ABCC12: variants seen among roughly 807,000 people sequenced by gnomAD.
ABCC12 encodes the protein ATP-binding cassette sub-family C member 12.
A neutral mutation model predicts 151.1 loss-of-function variants in ABCC12; 142 were observed. That is an observed-to-expected ratio of 0.94 (90% confidence interval 0.82 to 1.08). ABCC12 has a LOEUF of 1.08. Among genes scored for constraint, ABCC12 ranks in the 50% least tolerant of loss-of-function variants. ABCC12 has a pLI of 0.00. For synonymous variants in ABCC12, 645 were observed against 646.4 expected (o/e 1.00, Z 0.03); for missense variants, 1,638 against 1,691.1 (o/e 0.97, Z 0.55).
At chr16:48,150,862 A>T (rs1208075542) in intron 2 of ABCC12, among the ~76,000 whole-genome samples, 1 of 152,188 alleles carries the variant, frequency 6.6e-6, no homozygotes, top group Non-Finnish European at 1.5e-5. Flanking sequence ...TGACTCTCCA[A>T]CTTGAATCCA....
intron 11 of ABCC12, among the ~76,000 whole-genome samples, chr16:48,128,080 C>T (rs2150649694): frequency 6.6e-6 from 1 of 152,242 alleles, no homozygotes; most frequent in South Asian, 2.1e-4. Context: ...GATTGCACCA[C>T]TGCACTCCAG....
chr16:48,100,529 A>G (rs901190897), intron 23 of ABCC12, among the ~76,000 whole-genome samples: 13 of 152,204 alleles, frequency 8.5e-5, no homozygotes, highest in Non-Finnish European at 1.6e-4. Flanking sequence ...AAACATGAAA[A>G]AATTAATAGG....
intron 1 of ABCC12, among the ~76,000 whole-genome samples, chr16:48,154,937 C>A (rs1391645952): frequency 6.6e-6 from 1 of 152,244 alleles, no homozygotes; most frequent in Non-Finnish European, 1.5e-5. Flanking sequence ...GATGGTCTCC[C>A]CCAACTCCCA....
At chr16:48,144,300 A>C (rs74018262) in intron 3 of ABCC12, among the ~76,000 whole-genome samples, 4,900 of 152,350 alleles carry the variant, frequency 0.032, 251 homozygotes, top group African/African-American at 0.11. Flanking sequence ...TCAATATTCA[A>C]AATTAAATTA....
intron 27 of ABCC12, 68 bp from the exon 28 acceptor site, chr16:48,086,887 G>A (rs781350488): frequency 2.2e-6 from 3 of 1,342,248 alleles, no homozygotes; most frequent in African/African-American, 1.5e-5. Flanking sequence ...TGCGGAGCAG[G>A]TTTTCTGTAG....
At position 48,105,209 on chromosome 16, in the gene ABCC12, G is replaced by A. The variant is rs903326606; in HGVS notation, c.2603C>T (p.Thr868Ile). 1.9e-6 allele frequency: 3 copies of A among 1,614,038 alleles called. No homozygotes were observed. The African/African-American group carries it at 4.0e-5, about 22-fold the overall frequency. ...GGTCTTGGTGAAGACGAAGCCTTTGGTGACGCCAAACACCAGCATGAACAC... is the reference window on the plus strand; with the variant it reads ...GGTCTTGGTGAAGACGAAGCCTTTGATGACGCCAAACACCAGCATGAACAC... ...SMVFMLVFGV[T>I]KGFVFTKTTL... is the part of the protein sequence containing the mutation. Residue 868 changes from threonine to isoleucine, a missense_variant, in exon 21 of 31, where the codon ACC becomes ATC. Transcript: ENST00000311303.
In ABCC12 at chr16:48,101,022, T is replaced by C; in HGVS notation, c.2901-13A>G. On this transcript the variant is annotated splice_polypyrimidine_tract_variant and intron_variant, in intron 22 of 30. Transcript: ENST00000311303. The stretch of plus-strand genomic sequence containing the variant: ...TCTGTGGAAAATGCTGGAAGAAAAT[T>C]GAAAGGGGCCAGGTGGGCCACAAAG... 1 of 1,613,302 alleles carries C rather than the reference T, an allele frequency of 6.2e-7. No individual in the cohort carries two copies. The highest frequency in any genetic ancestry group is 8.5e-7 in the Non-Finnish European group (1 of 1,179,598).
chr16:48,151,658 A>G (rs1965119129), intron 2 of ABCC12, among the ~76,000 whole-genome samples: 4 of 152,340 alleles, frequency 2.6e-5, no homozygotes, highest in Admixed American at 2.6e-4. Context: ...CCATTCTTAA[A>G]AAATAAAGTT....
Position 48,146,345 on chromosome 16 carries a change from G to A in ABCC12, c.80C>T (p.Pro27Leu). ...RRRSFAERYD[P>L]SLKTMIPVRP... The stretch of plus-strand genomic sequence containing the variant: ...CACTGGGATCATGGTCTTCAGGCTG[G>A]GGTCATATCTTTCTGCAAAGGATCT... Residue 27 changes from proline to leucine, a missense_variant, in exon 3 of 31, where the codon CCC (proline) becomes CTC (leucine). By Grantham distance (98) the Pro-to-Leu change is moderately conservative (BLOSUM62 -3). Coordinates refer to ENST00000311303, the MANE Select transcript of ABCC12 (RefSeq NM_001393797.1). The A allele has an allele frequency of 6.2e-7, 1 of 1,614,132 alleles. No individual in the cohort carries two copies. Among genetic ancestry groups the A allele is most frequent in the Non-Finnish European group, 8.5e-7 (1 of 1,180,008 alleles).
chr16:48,099,390 C>T (rs1473702779), intron 23 of ABCC12, among the ~76,000 whole-genome samples: 2 of 152,144 alleles, frequency 1.3e-5, no homozygotes, highest in South Asian at 4.1e-4. Context: ...GAGCAAGACT[C>T]TGTCTCAAAA....
chr16:48,092,283 G>A (rs1475833261), intron 24 of ABCC12, among the ~76,000 whole-genome samples: 2 of 152,204 alleles, frequency 1.3e-5, no homozygotes, highest in Middle Eastern at 3.2e-3. Flanking sequence ...GAGTGAGCAG[G>A]GGAAGAGAGG....
chr16:48,089,141 G>A (rs973621517), intron 25 of ABCC12, among the ~76,000 whole-genome samples: 4 of 152,200 alleles, frequency 2.6e-5, no homozygotes, highest in Non-Finnish European at 4.4e-5. Flanking sequence ...AGGCCCTGGG[G>A]CCAGAATGAG....
chr16:48,133,283 A>C (rs762075159), intron 9 of ABCC12, among the ~76,000 whole-genome samples: 8 of 152,126 alleles, frequency 5.3e-5, no homozygotes, highest in Non-Finnish European at 5.9e-5. Flanking sequence ...GCACTTTAGA[A>C]GGCCAAGATA....
chr16:48,114,521 G>C (rs941523557), intron 15 of ABCC12, among the ~76,000 whole-genome samples: 2 of 152,124 alleles, frequency 1.3e-5, no homozygotes, highest in African/African-American at 4.8e-5. Context: ...TAAAGAAGAC[G>C]GGACACTTGC....
intron 10 of ABCC12, 120 bp from the exon 11 acceptor site, chr16:48,128,857 A>C: frequency 2.7e-6 from 3 of 1,127,212 alleles, no homozygotes; most frequent in Non-Finnish European, 3.8e-6. Flanking sequence ...CACATCCAGG[A>C]AAGAGGTTCT....
chr16:48,140,987 G>C, intron 5 of ABCC12, 67 bp from the exon 6 acceptor site: 1 of 1,484,618 alleles, frequency 6.7e-7, no homozygotes, highest in African/African-American at 1.4e-5. Context: ...GGAGGCCTCA[G>C]ATCATGCCAG....
intron 16 of ABCC12, 25 bp from the exon 17 acceptor site, chr16:48,111,687 T>C: frequency 6.2e-7 from 1 of 1,614,106 alleles, no homozygotes; most frequent in Non-Finnish European, 8.5e-7. Flanking sequence ...AAATTCCTTC[T>C]GAATGCTAAG....
At chr16:48,120,580 G>A (rs1371496113) in intron 13 of ABCC12, among the ~76,000 whole-genome samples, 3 of 150,358 alleles carry the variant, frequency 2.0e-5, no homozygotes, top group African/African-American at 7.4e-5. Context: ...TTTTGAGAAG[G>A]AGTCTCGCTC....
Position 48,108,630 on chromosome 16 carries a change from G to A in ABCC12, c.2282-101C>T, listed in dbSNP as rs139925524. ...CAGACTCCACAACACGGCTAAGGGGGCTGTGATGCATCCTTCCACTCGTCC... is the reference window on the plus strand; with the variant it reads ...CAGACTCCACAACACGGCTAAGGGGACTGTGATGCATCCTTCCACTCGTCC... On this transcript the variant is annotated intron_variant, in intron 18 of 30. Coordinates refer to ENST00000311303, the MANE Select transcript of ABCC12 (RefSeq NM_001393797.1). The A allele has an allele frequency of 1.8e-3, 1,479 of 811,878 alleles. 10 individuals carry two copies. Among genetic ancestry groups the A allele is most frequent in the Middle Eastern group, 0.01 (36 of 3,458 alleles). 50.3% of individuals were successfully genotyped at this position (811,878 alleles called of 1,614,324 possible). A position where few individuals can be genotyped will look rare whatever the true frequency, so the allele number is the denominator to read the frequency against.
Sources: allele counts gnomAD v4.1 joint callset (sites outside exome capture counted in the v4.1 genomes callset), GRCh38; gene constraint gnomAD v4.1.1; transcripts MANE v1.5; gene names NCBI Gene and HGNC (gene_info 2026-07-23, HGNC 2026-07-21).